STXBP5L: variants seen among roughly 807,000 people sequenced by gnomAD.
STXBP5L encodes the protein syntaxin-binding protein 5-like.
STXBP5L carries 65 observed loss-of-function variants against 144.5 expected under a neutral mutation model. The observed-to-expected ratio is 0.45, with a 90% CI of 0.37 to 0.55. The LOEUF is 0.55. Ranked by LOEUF, STXBP5L falls within the 20% of genes least tolerant of loss-of-function variation. The probability of loss-of-function intolerance (pLI) is 0.00; values close to 1 mark genes in which losing one functional copy is unlikely to be tolerated. For synonymous variants in STXBP5L, 505 were observed against 469.6 expected (o/e 1.08, Z -0.97); for missense variants, 1,298 against 1,405.5 (o/e 0.92, Z 1.22).
chr3:121,118,094 G>C (rs1335106189), intron 6 of STXBP5L, among the ~76,000 whole-genome samples: 2 of 151,610 alleles, frequency 1.3e-5, no homozygotes, highest in Non-Finnish European at 3.0e-5. Flanking sequence ...ATTCAAGCAT[G>C]TTTACTGAGC....
rs535484968 is a variant in STXBP5L at position 121,349,389 on chromosome 3, A to G, written c.2177-29327A>G. 1.1e-3 allele frequency among the ~76,000 whole-genome samples: 160 copies of G among 151,224 alleles called. 1 individual carries two copies. Among genetic ancestry groups the G allele is most frequent in the African/African-American group, 2.7e-3 (111 of 40,986 alleles). ...TGCTTTACTTCCAACTATGTGGTCA[A>G]TTTTGGAATAGGTGTGGTGTGGTGC... On this transcript the variant is annotated intron_variant, in intron 20 of 26. Coordinates refer to ENST00000471454, the MANE Select transcript of STXBP5L (RefSeq NM_001308330.2).
At chr3:120,919,529 C>T (rs921361618) in intron 2 of STXBP5L, among the ~76,000 whole-genome samples, 1 of 151,940 alleles carries the variant, frequency 6.6e-6, no homozygotes, top group Admixed American at 6.6e-5. Flanking sequence ...TATTCTGATT[C>T]TCTGCCATCC....
At chr3:121,212,241 G>A (rs1284337862) in intron 10 of STXBP5L, among the ~76,000 whole-genome samples, 2 of 152,138 alleles carry the variant, frequency 1.3e-5, no homozygotes, top group East Asian at 3.9e-4. Flanking sequence ...TGTTAATTTT[G>A]CCTTTTGTTG....
chr3:121,210,637 G>C (rs984531652), intron 10 of STXBP5L, among the ~76,000 whole-genome samples: 8 of 152,098 alleles, frequency 5.3e-5, no homozygotes, highest in African/African-American at 1.4e-4. Flanking sequence ...CCAGTTTCAG[G>C]TTTCTACATA....
At chr3:121,170,850 C>A (rs945009122) in intron 9 of STXBP5L, among the ~76,000 whole-genome samples, 34 of 152,144 alleles carry the variant, frequency 2.2e-4, no homozygotes, top group African/African-American at 7.7e-4. Flanking sequence ...ATGAGGCCAG[C>A]GTCATCCTGA....
At chr3:121,179,737 A>G (rs1352779426) in intron 9 of STXBP5L, among the ~76,000 whole-genome samples, 1 of 152,184 alleles carries the variant, frequency 6.6e-6, no homozygotes, top group East Asian at 1.9e-4. Flanking sequence ...ATCATAAAGA[A>G]AAAACAATCA....
At chr3:121,210,636 G>A (rs559318137) in intron 10 of STXBP5L, among the ~76,000 whole-genome samples, 1 of 152,218 alleles carries the variant, frequency 6.6e-6, no homozygotes, top group African/African-American at 2.4e-5. Context: ...TCCAGTTTCA[G>A]GTTTCTACAT....
intron 3 of STXBP5L, among the ~76,000 whole-genome samples, chr3:120,989,322 C>G (rs983102750): frequency 6.6e-6 from 1 of 152,098 alleles, no homozygotes; most frequent in Non-Finnish European, 1.5e-5. Flanking sequence ...TAAATAATAG[C>G]CATTCTGACT....
At chr3:120,942,856 T>C (rs2107657352) in intron 2 of STXBP5L, among the ~76,000 whole-genome samples, 1 of 151,674 alleles carries the variant, frequency 6.6e-6, no homozygotes, top group South Asian at 2.1e-4. Context: ...TTTTTTGTTG[T>C]TTAGCATATG....
intron 7 of STXBP5L, among the ~76,000 whole-genome samples, chr3:121,141,429 T>C (rs1559791482): frequency 6.6e-6 from 1 of 152,080 alleles, no homozygotes; most frequent in Admixed American, 6.6e-5. Context: ...TAAAACTTAT[T>C]GCTAAGGGTA....
intron 20 of STXBP5L, among the ~76,000 whole-genome samples, chr3:121,377,397 G>T (rs1198577874): frequency 2.6e-5 from 4 of 152,166 alleles, no homozygotes; most frequent in Admixed American, 6.5e-5. Flanking sequence ...GAGTGAACAG[G>T]CAACATACAG....
chr3:121,354,155 C>T (rs1447624499), intron 20 of STXBP5L, among the ~76,000 whole-genome samples: 1 of 152,118 alleles, frequency 6.6e-6, no homozygotes. Context: ...AATGTATATT[C>T]TGTTGATTTG....
At chr3:121,230,770 G>A (rs1231843817) in intron 11 of STXBP5L, among the ~76,000 whole-genome samples, 1 of 151,966 alleles carries the variant, frequency 6.6e-6, no homozygotes, top group African/African-American at 2.4e-5. Context: ...TAGTTAAAAG[G>A]GATAGTTAGA....
chr3:121,030,510 C>T (rs777003161), intron 3 of STXBP5L, among the ~76,000 whole-genome samples: 2 of 152,030 alleles, frequency 1.3e-5, no homozygotes, highest in Non-Finnish European at 2.9e-5. Flanking sequence ...TGGCGAACAT[C>T]ACACACCGGG....
At chr3:121,366,038 G>T (rs949099094) in intron 20 of STXBP5L, among the ~76,000 whole-genome samples, 1 of 151,756 alleles carries the variant, frequency 6.6e-6, no homozygotes, top group African/African-American at 2.4e-5. Context: ...TTAAGAGAGT[G>T]TTGTTTAATT....
At chr3:121,416,630 C>A (rs1169640925) in intron 25 of STXBP5L, among the ~76,000 whole-genome samples, 1 of 151,576 alleles carries the variant, frequency 6.6e-6, no homozygotes, top group African/African-American at 2.4e-5. Flanking sequence ...GCCTCAGCCT[C>A]CCAAGTAGCT....
intron 3 of STXBP5L, among the ~76,000 whole-genome samples, chr3:120,988,658 A>T (rs1245850704): frequency 6.6e-6 from 1 of 152,058 alleles, no homozygotes; most frequent in East Asian, 1.9e-4. Flanking sequence ...TATCCTTGCT[A>T]ATTTTCTTTA....
chr3:121,005,987 T>C (rs907816673), intron 3 of STXBP5L, among the ~76,000 whole-genome samples: 2 of 152,194 alleles, frequency 1.3e-5, no homozygotes, highest in Non-Finnish European at 2.9e-5. Context: ...TGGTCACTTT[T>C]GGAATAGGTA....
At chr3:121,254,838 A>G (rs1335650751) in intron 15 of STXBP5L, 57 bp from the exon 16 acceptor site, 1 of 1,389,986 alleles carries the variant, frequency 7.2e-7, no homozygotes, top group African/African-American at 1.5e-5. Context: ...AAAAGCTTTA[A>G]TAACATCTAA....
Sources: gnomAD v4.1 joint callset for allele counts (sites outside exome capture counted in the v4.1 genomes callset) on GRCh38, gnomAD v4.1.1 for gene constraint, MANE v1.5 for transcripts, NCBI Gene and HGNC (gene_info 2026-07-23, HGNC 2026-07-21) for gene names.